FGF14: variants seen among roughly 807,000 people sequenced by gnomAD.
The protein encoded by FGF14 is fibroblast growth factor 14.
In FGF14, 5 loss-of-function variants were observed where a neutral mutation model predicts 25.5. The observed-to-expected ratio is 0.20, with a 90% confidence interval of 0.10 to 0.41. The LOEUF is 0.41. FGF14 is among the 10% of genes least tolerant of loss of function. The pLI, the probability that FGF14 is intolerant of heterozygous loss-of-function variation, is 1.00. For synonymous variants in FGF14, 138 were observed against 118.3 expected, an observed-to-expected ratio of 1.17 and a Z score of -1.08; for missense variants, 222 against 320.1, an observed-to-expected ratio of 0.69 and a Z score of 2.34.
chr13:102,325,856 G>A (rs1325154858), intron 1 of FGF14, among the ~76,000 whole-genome samples: 1 of 152,112 alleles, frequency 6.6e-6, no homozygotes, highest in Non-Finnish European at 1.5e-5. Flanking sequence ...TCTGTTCACT[G>A]GTGTACTCTG....
chr13:101,991,506 G>C (rs566578350), intron 1 of FGF14, among the ~76,000 whole-genome samples: 1 of 152,078 alleles, frequency 6.6e-6, no homozygotes, highest in Admixed American at 6.6e-5. Flanking sequence ...CTAGTCTGAC[G>C]TGCAAAGGTT....
At chr13:101,962,172 T>C (rs1443235850) in intron 1 of FGF14, among the ~76,000 whole-genome samples, 6 of 152,352 alleles carry the variant, frequency 3.9e-5, no homozygotes, top group Admixed American at 3.9e-4. Flanking sequence ...ATTTTCAAGA[T>C]ATTGATTCTT....
chr13:102,155,956 C>A lies in FGF14; in HGVS notation c.208+245515G>T, dbSNP rs973491173. On this transcript the variant is annotated intron_variant, in intron 1 of 4. Coordinates refer to the FGF14 transcript ENST00000376131. Reference sequence around the variant, plus strand: ...CACATACACTCTCCCAAGACTAAACCAGGAAGAAGTTGAATCTCTGAATAG... The same window carrying A: ...CACATACACTCTCCCAAGACTAAACAAGGAAGAAGTTGAATCTCTGAATAG... 5.2e-4 allele frequency among the ~76,000 whole-genome samples: 79 copies of A among 152,172 alleles called. 1 individual carries two copies. The highest frequency in any genetic ancestry group is 1.6e-3 in the African/African-American group (67 of 41,532).
intron 3 of FGF14, among the ~76,000 whole-genome samples, chr13:101,770,365 C>T (rs1276923433): frequency 5.3e-5 from 8 of 152,002 alleles, no homozygotes; most frequent in African/African-American, 1.7e-4. Context: ...AAAACACAAA[C>T]ATTTTAACTG....
Position 102,096,001 on chromosome 13 carries a change from G to GTGTGTGTA in FGF14, c.209-220706_209-220705insTACACACA, listed in dbSNP as rs143224591. Among the ~76,000 whole-genome samples, 73 of 135,048 alleles carry GTGTGTGTA rather than the reference G, an allele frequency of 5.4e-4. 1 individual carries two copies. Among genetic ancestry groups the GTGTGTGTA allele is most frequent in the African/African-American group, 1.4e-3 (51 of 35,512 alleles). The allele number at this position is 135,048 out of a possible 152,430, so 88.6% of individuals were successfully genotyped here. A position where few individuals can be genotyped will look rare whatever the true frequency, so the allele number is the denominator to read the frequency against. On this transcript the variant is annotated intron_variant, in intron 1 of 4. Transcript: ENST00000376131. ...TTTGTGTGTGTGTGTGTGTGTGTGT[G>GTGTGTGTA]TATATATATATATATAATATATTTC...
chr13:102,346,577 G>T (rs72647491), intron 1 of FGF14, among the ~76,000 whole-genome samples: 2,520 of 152,052 alleles, frequency 0.017, 27 homozygotes, highest in Non-Finnish European at 0.02. Flanking sequence ...TATATATATA[G>T]AGAGAGAGAA....
chr13:102,099,000 G>A (rs1368458202), intron 1 of FGF14, among the ~76,000 whole-genome samples: 2 of 152,156 alleles, frequency 1.3e-5, no homozygotes, highest in East Asian at 3.9e-4. Context: ...CATATGTGAA[G>A]CAGGCAGGAA....
intron 1 of FGF14, among the ~76,000 whole-genome samples, chr13:102,100,702 A>G (rs1011057854): frequency 6.6e-6 from 1 of 152,244 alleles, no homozygotes; most frequent in African/African-American, 2.4e-5. Context: ...CATGGGAGCC[A>G]CTATACTGGA....
At chr13:102,098,476 A>C (rs1414049595) in intron 1 of FGF14, among the ~76,000 whole-genome samples, 1 of 152,216 alleles carries the variant, frequency 6.6e-6, no homozygotes, top group Non-Finnish European at 1.5e-5. Context: ...TGACAGTTTA[A>C]GGAAGATGTT....
In FGF14 at chr13:101,991,038, G is replaced by GA. The variant is rs1308555627; in HGVS notation, c.209-115743dup. Among the ~76,000 whole-genome samples, 4 of 152,106 alleles carry GA rather than the reference G, an allele frequency of 2.6e-5. No individual in the cohort carries two copies. The South Asian group carries it at 8.3e-4, about 32-fold the overall frequency. On this transcript the variant is annotated intron_variant, in intron 1 of 4. Transcript: ENST00000376131. ...TACTTTTTAACCTTGGAGCACAATGGAGCACAATACTTCTTTAACCCTGCA... is the reference window on the plus strand; with the variant it reads ...TACTTTTTAACCTTGGAGCACAATGGAAGCACAATACTTCTTTAACCCTGCA...
At chr13:101,974,057 G>A (rs1164957572) in intron 1 of FGF14, among the ~76,000 whole-genome samples, 1 of 152,138 alleles carries the variant, frequency 6.6e-6, no homozygotes, top group Non-Finnish European at 1.5e-5. Context: ...CCTAAAATCT[G>A]GTTAATAAAT....
At chr13:102,194,226 A>G (rs2049247396) in intron 1 of FGF14, among the ~76,000 whole-genome samples, 1 of 152,248 alleles carries the variant, frequency 6.6e-6, no homozygotes, top group African/African-American at 2.4e-5. Context: ...ATTAAAATAC[A>G]TATTAAATAC....
Position 101,718,832 on chromosome 13 carries a change from T to C in FGF14, c.*3999A>G, listed in dbSNP as rs1348762163. 1 of 151,560 alleles carries C rather than the reference T, an allele frequency of 6.6e-6. No homozygotes were observed. The highest frequency in any genetic ancestry group is 1.5e-5 in the Non-Finnish European group (1 of 67,958). The allele number at this position is 151,560 out of a possible 1,614,324, so 9.4% of individuals were successfully genotyped here. Reference sequence around the variant, plus strand: ...CTCAGCCTTAGTTTGCAGACTCAACTGTCAACACTTTGAAACCCTACTCCA... The same window carrying C: ...CTCAGCCTTAGTTTGCAGACTCAACCGTCAACACTTTGAAACCCTACTCCA... On this transcript the variant is annotated 3_prime_UTR_variant, in exon 5 of 5. Coordinates refer to ENST00000376143, the MANE Select transcript of FGF14 (RefSeq NM_004115.4).
At chr13:102,103,434 A>G (rs878868844) in intron 1 of FGF14, among the ~76,000 whole-genome samples, 1 of 146,568 alleles carries the variant, frequency 6.8e-6, no homozygotes, top group Admixed American at 7.0e-5. Flanking sequence ...TAGGATATAA[A>G]TAAGATTTTG....
At chr13:102,143,126 C>T (rs2046713460) in intron 1 of FGF14, among the ~76,000 whole-genome samples, 1 of 152,128 alleles carries the variant, frequency 6.6e-6, no homozygotes, top group Admixed American at 6.6e-5. Context: ...ACTTATCCTC[C>T]CAGTGATGGT....
At chr13:102,241,296 CA>C in intron 1 of FGF14, among the ~76,000 whole-genome samples, 1 of 151,854 alleles carries the variant, frequency 6.6e-6, no homozygotes, top group East Asian at 1.9e-4. Flanking sequence ...AAACTTATAA[CA>C]AAAAAAGGAG....
At chr13:101,747,117 A>G (rs371059579) in intron 3 of FGF14, among the ~76,000 whole-genome samples, 10 of 152,094 alleles carry the variant, frequency 6.6e-5, no homozygotes, top group African/African-American at 1.4e-4. Flanking sequence ...TCTCCATTAG[A>G]TAATGAGCCC....
Position 101,825,001 on chromosome 13 carries a change from G to A in FGF14, c.408+43724C>T, listed in dbSNP as rs577565523. Among the ~76,000 whole-genome samples the A allele has an allele frequency of 2.6e-5, 4 of 152,278 alleles. No individual in the cohort carries two copies. In the East Asian group the frequency reaches 7.7e-4, roughly 29 times the overall value. On this transcript the variant is annotated intron_variant, in intron 3 of 4. Transcript: ENST00000376143. ...CCTCACCTTATGTATCTCTTCATTT[G>A]GCTTTCATTTGTATCCTTTCATATG...
chr13:102,162,703 T>A (rs934116948), intron 1 of FGF14, among the ~76,000 whole-genome samples: 17 of 152,178 alleles, frequency 1.1e-4, no homozygotes, highest in African/African-American at 3.9e-4. Flanking sequence ...ATAAATGGAA[T>A]AATAGAGACA....
Sources: allele counts gnomAD v4.1 joint callset (sites outside exome capture counted in the v4.1 genomes callset), GRCh38; gene constraint gnomAD v4.1.1; transcripts MANE v1.5; gene names NCBI Gene and HGNC (gene_info 2026-07-23, HGNC 2026-07-21).